PIK3R4: variants seen among roughly 807,000 people sequenced by gnomAD.
The protein encoded by PIK3R4 is phosphoinositide-3-kinase regulatory subunit 4.
Under a neutral mutation model 136.5 loss-of-function variants are expected in PIK3R4, and 46 were observed. The observed-to-expected ratio is 0.34, with a 90% CI of 0.27 to 0.43. The LOEUF is 0.43. Among genes scored for constraint, PIK3R4 ranks in the 20% least tolerant of loss-of-function variants. The pLI, the probability that PIK3R4 is intolerant of heterozygous loss-of-function variation, is 1.00. For synonymous variants in PIK3R4, 557 were observed against 566.7 expected (o/e 0.98, Z 0.24); for missense variants, 1,331 against 1,649.5 (o/e 0.81, Z 3.35).
chr3:130,680,060 C>CAAA (rs1163413860), intron 19 of PIK3R4, among the ~76,000 whole-genome samples: 41 of 65,398 alleles, frequency 6.3e-4, no homozygotes, highest in African/African-American at 1.2e-3. Flanking sequence ...GACTCCATCT[C>CAAA]AAAAAAAAAA....
At chr3:130,700,832 G>A (rs1389859013) in intron 13 of PIK3R4, among the ~76,000 whole-genome samples, 8 of 152,134 alleles carry the variant, frequency 5.3e-5, no homozygotes, top group African/African-American at 1.7e-4. Context: ...TGATAAGGGC[G>A]ACACACTGCA....
intron 1 of PIK3R4, 26 bp from the exon 2 acceptor site, chr3:130,745,290 A>C: frequency 7.0e-7 from 1 of 1,426,656 alleles, no homozygotes; most frequent in East Asian, 2.3e-5. Flanking sequence ...ACAAATGAAG[A>C]AAAAAGACAA....
At chr3:130,718,639 T>C in intron 7 of PIK3R4, 105 bp from the exon 8 acceptor site, 1 of 1,074,682 alleles carries the variant, frequency 9.3e-7, no homozygotes, top group African/African-American at 1.6e-5. Context: ...TTTGCCACAG[T>C]GTTACTATCA....
At chr3:130,686,792 C>A (rs945695325) in intron 14 of PIK3R4, among the ~76,000 whole-genome samples, 7 of 152,168 alleles carry the variant, frequency 4.6e-5, no homozygotes, top group Non-Finnish European at 1.0e-4. Context: ...CAGGATAATA[C>A]AGGGCAATAT....
At chr3:130,738,112 C>G (rs982673527) in intron 2 of PIK3R4, among the ~76,000 whole-genome samples, 2 of 152,128 alleles carry the variant, frequency 1.3e-5, no homozygotes, top group Non-Finnish European at 2.9e-5. Flanking sequence ...GTTAATTTCT[C>G]TCTGTATAGT....
At chr3:130,728,311 T>TA (rs1328810375) in intron 6 of PIK3R4, 152 bp downstream of exon 6, 8 of 595,778 alleles carry the variant, frequency 1.3e-5, no homozygotes, top group Non-Finnish European at 2.3e-5. Flanking sequence ...CCAAAATACT[T>TA]ACATCATCCA....
At chr3:130,689,650 G>A (rs935201796) in intron 14 of PIK3R4, among the ~76,000 whole-genome samples, 1 of 152,062 alleles carries the variant, frequency 6.6e-6, no homozygotes, top group African/African-American at 2.4e-5. Context: ...TTCTTCTGTG[G>A]GGTCCACCAC....
chr3:130,679,187 G>T lies in PIK3R4; in HGVS notation c.*128C>A. ...ATTTTGGGTGTCATTTAGTCAGTCAGTCATGAAACAGTAATATGGAGACAT... is the reference window on the plus strand; with the variant it reads ...ATTTTGGGTGTCATTTAGTCAGTCATTCATGAAACAGTAATATGGAGACAT... On this transcript the variant is annotated 3_prime_UTR_variant, in exon 20 of 20. Transcript: ENST00000356763. 1.9e-6 allele frequency: 1 copy of T among 520,220 alleles called. No individual in the cohort carries two copies. The highest frequency in any genetic ancestry group is 3.2e-6 in the Non-Finnish European group (1 of 312,160). 32.2% of individuals were successfully genotyped at this position (520,220 alleles called of 1,614,324 possible).
intron 8 of PIK3R4, 25 bp downstream of exon 8, chr3:130,718,364 T>A: frequency 6.3e-7 from 1 of 1,597,668 alleles, no homozygotes; most frequent in Non-Finnish European, 8.6e-7. Context: ...GAGGAAAGAC[T>A]GACTCCAACT....
chr3:130,690,282 T>G (rs1465571224), intron 14 of PIK3R4, among the ~76,000 whole-genome samples: 2 of 152,228 alleles, frequency 1.3e-5, no homozygotes, highest in East Asian at 3.8e-4. Flanking sequence ...AGATACCATC[T>G]TCTGAGACTA....
At chr3:130,686,102 ACG>A in intron 15 of PIK3R4, 107 bp downstream of exon 15, 1 of 667,638 alleles carries the variant, frequency 1.5e-6, no homozygotes, top group South Asian at 1.9e-5. Context: ...AAAAAAAAAG[ACG>A]GGAAAAATTA....
intron 2 of PIK3R4, among the ~76,000 whole-genome samples, chr3:130,741,906 G>A (rs1299865061): frequency 2.0e-5 from 3 of 152,166 alleles, no homozygotes; most frequent in Admixed American, 1.3e-4. Flanking sequence ...AATATATATG[G>A]TAAGTCCTCA....
At chr3:130,686,075 T>C in intron 15 of PIK3R4, 136 bp downstream of exon 15, 2 of 625,586 alleles carry the variant, frequency 3.2e-6, no homozygotes, top group Non-Finnish European at 5.7e-6. Flanking sequence ...GCAAGTTATT[T>C]TAACATGACT....
chr3:130,713,630 G>A (rs905990103), intron 9 of PIK3R4, among the ~76,000 whole-genome samples: 1 of 152,104 alleles, frequency 6.6e-6, no homozygotes, highest in Non-Finnish European at 1.5e-5. Context: ...GCCCCATGAG[G>A]TAACTAATGA....
At chr3:130,704,317 G>C (rs2066595381) in intron 12 of PIK3R4, among the ~76,000 whole-genome samples, 1 of 152,132 alleles carries the variant, frequency 6.6e-6, no homozygotes, top group Non-Finnish European at 1.5e-5. Flanking sequence ...AGCAGTTTAT[G>C]ATCAACTTTT....
intron 9 of PIK3R4, among the ~76,000 whole-genome samples, chr3:130,713,725 T>A (rs552461169): frequency 6.6e-6 from 1 of 151,870 alleles, no homozygotes; most frequent in Non-Finnish European, 1.5e-5. Context: ...CAGGTTGGAG[T>A]GCAATGGCGC....
chr3:130,733,201 C>T (rs937003592), intron 4 of PIK3R4, among the ~76,000 whole-genome samples: 2 of 152,290 alleles, frequency 1.3e-5, no homozygotes, highest in Middle Eastern at 3.4e-3. Context: ...CTAAAACTGA[C>T]AGTCAAATAA....
chr3:130,713,088 T>C (rs2066641709), intron 9 of PIK3R4, among the ~76,000 whole-genome samples: 3 of 152,218 alleles, frequency 2.0e-5, no homozygotes. Flanking sequence ...AAATTTGTTT[T>C]AAGGATAGTC....
chr3:130,740,056 T>C (rs913184526), intron 2 of PIK3R4, among the ~76,000 whole-genome samples: 1 of 152,138 alleles, frequency 6.6e-6, no homozygotes, highest in Non-Finnish European at 1.5e-5. Flanking sequence ...ACAACAGTCA[T>C]AAAAGGTCAT....
Sources: allele counts gnomAD v4.1 joint callset (sites outside exome capture counted in the v4.1 genomes callset), GRCh38; gene constraint gnomAD v4.1.1; transcripts MANE v1.5; gene names NCBI Gene and HGNC (gene_info 2026-07-23, HGNC 2026-07-21).